The following POMT2 variants were observed in gnomAD, a reference collection of about 807,000 sequenced individuals.
POMT2 encodes the protein protein O-mannosyl-transferase 2.
In POMT2, 75 loss-of-function variants were observed where a neutral mutation model predicts 100.0. The ratio of observed to expected loss-of-function variants is 0.75; its 90% confidence interval spans 0.62 to 0.91. The LOEUF is 0.91. Ranked by LOEUF, POMT2 falls within the 40% of genes least tolerant of loss-of-function variation. POMT2 has a pLI of 0.00. For missense variants in POMT2, 940 were observed against 955.1 expected (o/e 0.98, Z 0.21); for synonymous variants, 378 against 374.1 (o/e 1.01, Z -0.12).
At chr14:77,296,704 A>G (rs1197984407) in intron 8 of POMT2, among the ~76,000 whole-genome samples, 1 of 152,238 alleles carries the variant, frequency 6.6e-6, no homozygotes, top group Non-Finnish European at 1.5e-5. Context: ...ATCTAGTACC[A>G]TATGAAATAA....
At chr14:77,320,402 A>G in intron 1 of POMT2, 32 bp downstream of exon 1, 1 of 1,544,436 alleles carries the variant, frequency 6.5e-7, no homozygotes, top group Non-Finnish European at 8.7e-7. Flanking sequence ...CGCGGTTGCC[A>G]TGGTGCCCGC....
intron 6 of POMT2, 95 bp downstream of exon 6, chr14:77,300,995 C>G: frequency 6.2e-7 from 1 of 1,608,938 alleles, no homozygotes; most frequent in South Asian, 1.1e-5. Context: ...CACAGCCACT[C>G]TGCCACCTGC....
At chr14:77,288,165 A>G (rs1890503168) in intron 11 of POMT2, among the ~76,000 whole-genome samples, 1 of 152,236 alleles carries the variant, frequency 6.6e-6, no homozygotes, top group African/African-American at 2.4e-5. Context: ...AAGTGGCTTC[A>G]GTGTCTCACT....
Position 77,277,039 on chromosome 14 carries a change from T to A in POMT2, c.*337A>T, listed in dbSNP as rs1889987329. On this transcript the variant is annotated 3_prime_UTR_variant, in exon 21 of 21. Transcript: ENST00000261534. ...GACACTCAGCTGTCCAGTTACACGG[T>A]CTGTATTCCACAGGGATATGGACAA... The A allele has an allele frequency of 3.0e-6, 1 of 338,042 alleles. No individual in the cohort carries two copies. Among genetic ancestry groups the A allele is most frequent in the Non-Finnish European group, 5.7e-6 (1 of 176,610 alleles). 20.9% of individuals were successfully genotyped at this position (338,042 alleles called of 1,614,324 possible). A position where few individuals can be genotyped will look rare whatever the true frequency, so the allele number is the denominator to read the frequency against.
At chr14:77,282,240 G>A (rs1890263445) in intron 15 of POMT2, among the ~76,000 whole-genome samples, 1 of 152,184 alleles carries the variant, frequency 6.6e-6, no homozygotes, top group African/African-American at 2.4e-5. Flanking sequence ...CTGCTCTGTT[G>A]CTAAACTAAA....
intron 1 of POMT2, among the ~76,000 whole-genome samples, chr14:77,318,170 A>C (rs1197284937): frequency 1.3e-5 from 2 of 152,206 alleles, no homozygotes; most frequent in African/African-American, 2.4e-5. Flanking sequence ...AGAGAAGGGA[A>C]ACAATGTTCT....
chr14:77,278,840 C>T lies in POMT2; in HGVS notation c.1921G>A (p.Gly641Ser), dbSNP rs754291354. 18 of 1,613,270 alleles carry T rather than the reference C, an allele frequency of 1.1e-5. No homozygotes were observed. Among genetic ancestry groups the T allele is most frequent in the Middle Eastern group, 1.6e-4 (1 of 6,082 alleles). ...AGTGTCCAGCCGAGCAGGACCTGGC[C>T]GCCTCCTCGAAGCAGGACCTGGGAC... ...GLSQVLLRGG[G>S]QVLLGWTLHY... Residue 641 changes from glycine (G) to serine (S), a missense_variant, in exon 19 of 21, where the codon GGC becomes AGC. Physicochemically the swap from Gly to Ser is moderately conservative, Grantham distance 56. Coordinates refer to ENST00000261534, the MANE Select transcript of POMT2 (RefSeq NM_013382.7).
chr14:77,293,737 C>T (rs186023854), intron 9 of POMT2, among the ~76,000 whole-genome samples: 13 of 152,290 alleles, frequency 8.5e-5, no homozygotes, highest in East Asian at 5.8e-4. Context: ...CGTCCCTTGG[C>T]GCAATGCACT....
intron 16 of POMT2, 49 bp from the exon 17 acceptor site, chr14:77,280,129 C>T: frequency 6.2e-7 from 1 of 1,613,116 alleles, no homozygotes; most frequent in Non-Finnish European, 8.5e-7. Flanking sequence ...CCATCCTCGG[C>T]CACACCCATT....
chr14:77,300,938 C>T (rs1891011339), intron 6 of POMT2, 152 bp downstream of exon 6: 9 of 1,433,086 alleles, frequency 6.3e-6, no homozygotes, highest in African/African-American at 5.6e-5. Context: ...CCCTGATGTC[C>T]TGCTGTCTGC....
At chr14:77,308,773 C>T (rs536244061) in intron 2 of POMT2, 7 of 453,972 alleles carry the variant, frequency 1.5e-5, no homozygotes, top group African/African-American at 1.4e-4. Context: ...GAAAACTTAG[C>T]AATATCTAAC....
intron 8 of POMT2, chr14:77,296,474 C>A: frequency 1.7e-6 from 1 of 589,510 alleles, no homozygotes; most frequent in Non-Finnish European, 3.0e-6. Context: ...TACTCCCCCG[C>A]CTCCTGAGGG....
rs193014214 is a variant in POMT2 at position 77,284,452 on chromosome 14, A to G, written c.1576+498T>C. 3.8e-5 allele frequency: 8 copies of G among 208,010 alleles called. No homozygotes were observed. In the East Asian group the frequency reaches 9.3e-4, roughly 24 times the overall value. 12.9% of individuals were successfully genotyped at this position (208,010 alleles called of 1,614,324 possible). On this transcript the variant is annotated intron_variant, in intron 14 of 20. Coordinates refer to ENST00000261534, the MANE Select transcript of POMT2 (RefSeq NM_013382.7). The stretch of plus-strand genomic sequence containing the variant: ...TGAGGTGGGTAGTTTAGGAAAACAG[A>G]TGATGAATCCAAATACTTATTGAGT...
At chr14:77,277,629 C>A in intron 20 of POMT2, 148 bp from the exon 21 acceptor site, 1 of 720,722 alleles carries the variant, frequency 1.4e-6, no homozygotes, top group Non-Finnish European at 2.5e-6. Flanking sequence ...CTGAGTCCCA[C>A]TGGGGCACAC....
intron 10 of POMT2, 26 bp from the exon 11 acceptor site, chr14:77,288,857 A>G: frequency 1.9e-6 from 3 of 1,602,018 alleles, no homozygotes; most frequent in Non-Finnish European, 2.6e-6. Context: ...AAGCATTGAT[A>G]TCCAAAATCA....
chr14:77,313,340 T>C (rs1031623473), intron 1 of POMT2, among the ~76,000 whole-genome samples: 1 of 152,242 alleles, frequency 6.6e-6, no homozygotes, highest in Non-Finnish European at 1.5e-5. Flanking sequence ...GTGAGGACAT[T>C]GGCATGGTGA....
chr14:77,287,139 C>T, intron 11 of POMT2: 1 of 372,560 alleles, frequency 2.7e-6, no homozygotes, highest in Non-Finnish European at 5.1e-6. Flanking sequence ...AAGCACTTAG[C>T]TTGCCTGACT....
intron 8 of POMT2, among the ~76,000 whole-genome samples, chr14:77,297,027 G>A (rs575504405): frequency 1.3e-5 from 2 of 152,368 alleles, no homozygotes; most frequent in African/African-American, 4.8e-5. Flanking sequence ...CCACAAAGGC[G>A]TGACAATGTG....
intron 2 of POMT2, 111 bp from the exon 3 acceptor site, chr14:77,306,552 G>C: frequency 8.0e-7 from 1 of 1,250,092 alleles, no homozygotes; most frequent in East Asian, 2.5e-5. Flanking sequence ...CTTGACAACT[G>C]TCCATAGAAA....
Sources: gnomAD v4.1 joint callset for allele counts (sites outside exome capture counted in the v4.1 genomes callset) on GRCh38, gnomAD v4.1.1 for gene constraint, MANE v1.5 for transcripts, NCBI Gene and HGNC (gene_info 2026-07-23, HGNC 2026-07-21) for gene names.